Variants in CFAP47 observed in about 807,000 individuals in gnomAD.
CFAP47 encodes the protein cilia and flagella associated protein 47, also known as cilia- and flagella-associated protein 47.
A neutral mutation model predicts 148.1 loss-of-function variants in CFAP47; 29 were observed. The ratio of observed to expected loss-of-function variants is 0.20; its 90% confidence interval spans 0.15 to 0.27. The LOEUF is 0.27. CFAP47 is among the 10% of genes least tolerant of loss of function. The probability of loss-of-function intolerance (pLI) is 1.00; values close to 1 mark genes in which losing one functional copy is unlikely to be tolerated. For missense variants in CFAP47, 1,872 were observed against 1,697.5 expected (o/e 1.10, Z -1.81); for synonymous variants, 664 against 577.3 (o/e 1.15, Z -2.15).
chrX:36,343,890 G>A (rs1569322246), intron 57 of CFAP47, among the ~76,000 whole-genome samples: 1 of 109,774 alleles, frequency 9.1e-6, no homozygotes, highest in Non-Finnish European at 1.9e-5. Flanking sequence ...TTTTGTTCTT[G>A]CGATAGTTTA....
chrX:35,919,896 A>G lies in CFAP47; in HGVS notation c.97A>G (p.Ser33Gly). 8.3e-7 allele frequency: 1 copy of G among 1,211,074 alleles called. No homozygotes were observed. Among genetic ancestry groups the G allele is most frequent in the Non-Finnish European group, 1.1e-6 (1 of 895,248 alleles). ...RGSLVPRDMDSSGRDMQLRVI... is the reference protein window; with the variant it reads ...RGSLVPRDMDGSGRDMQLRVI... ...TTCCCTCGTCCCCCGGGATATGGATAGCTCGGGTAGAGACATGCAGCTGCG... is the reference window on the plus strand; with the variant it reads ...TTCCCTCGTCCCCCGGGATATGGATGGCTCGGGTAGAGACATGCAGCTGCG... Residue 33 changes from serine (S) to glycine (G), a missense_variant, in exon 1 of 64, where the codon AGC becomes GGC. Ser to Gly is a moderately conservative substitution (Grantham distance 56). Transcript: ENST00000378653.
intron 30 of CFAP47, among the ~76,000 whole-genome samples, chrX:36,087,418 A>G (rs1264801049): frequency 1.8e-5 from 2 of 112,025 alleles, no homozygotes; most frequent in Non-Finnish European, 3.8e-5. Flanking sequence ...TGGAGATGCA[A>G]TTTTGCATTT....
At chrX:36,192,414 G>A (rs1351919023) in intron 42 of CFAP47, among the ~76,000 whole-genome samples, 2 of 111,505 alleles carry the variant, frequency 1.8e-5, no homozygotes, top group African/African-American at 6.5e-5. Flanking sequence ...GCACACAGAC[G>A]TTGCAAAACA....
intron 29 of CFAP47, among the ~76,000 whole-genome samples, chrX:36,083,695 A>G (rs1045579514): frequency 9.0e-6 from 1 of 111,307 alleles, no homozygotes; most frequent in African/African-American, 3.2e-5. Flanking sequence ...GGTGATAGTG[A>G]TGGGTGAGAC....
intron 23 of CFAP47, among the ~76,000 whole-genome samples, chrX:36,033,725 G>T (rs932522811): frequency 9.0e-6 from 1 of 111,533 alleles, no homozygotes; most frequent in Non-Finnish European, 1.9e-5. Flanking sequence ...GCTTTAGAAA[G>T]AAATGAGGTA....
intron 14 of CFAP47, 131 bp downstream of exon 14, chrX:35,975,494 A>G (rs1351175093): frequency 3.2e-6 from 2 of 616,463 alleles, no homozygotes; most frequent in Non-Finnish European, 4.9e-6. Flanking sequence ...ATGTGCATCA[A>G]TTTTTAGATA....
chrX:36,239,031 T>A (rs1415093628), intron 48 of CFAP47, among the ~76,000 whole-genome samples: 1 of 112,461 alleles, frequency 8.9e-6, no homozygotes, highest in African/African-American at 3.2e-5. Context: ...AAAAGCTTTT[T>A]AATATACATT....
intron 4 of CFAP47, among the ~76,000 whole-genome samples, chrX:35,949,299 T>C (rs892390521): frequency 9.0e-6 from 1 of 110,878 alleles, no homozygotes; most frequent in Non-Finnish European, 1.9e-5. Context: ...TTAGGAGGGT[T>C]TTAGGATGAG....
chrX:35,940,471 A>G (rs180954929), intron 2 of CFAP47, among the ~76,000 whole-genome samples: 13 of 111,430 alleles, frequency 1.2e-4, no homozygotes, highest in Middle Eastern at 4.6e-3. Context: ...ACTTCCTCTG[A>G]TAGCTGACTA....
At chrX:36,045,974 T>C (rs1180889868) in intron 25 of CFAP47, among the ~76,000 whole-genome samples, 2 of 111,781 alleles carry the variant, frequency 1.8e-5, no homozygotes, top group African/African-American at 6.5e-5. Flanking sequence ...AAAGATAAGT[T>C]AATTAGCTAA....
In CFAP47 at chrX:35,951,885, T is replaced by C. The variant is rs1184468067; in HGVS notation, c.968T>C (p.Ile323Thr). The change falls in exon 6 of 64, where the codon ATC becomes ACC. Residue 323 changes from isoleucine (I) to threonine (T), a missense_variant. Coordinates refer to ENST00000378653, the MANE Select transcript of CFAP47 (RefSeq NM_001304548.2). ...AAAATAAAGAACATAGATACTACTA[T>C]CATTATCTCCTGTCTTCCTAATGAA... is the stretch of plus-strand genomic sequence containing the variant. Reference protein sequence around the residue: ...IRKIKNIDTTIIISCLPNEGT... With the variant: ...IRKIKNIDTTTIISCLPNEGT... 8.5e-7 allele frequency: 1 copy of C among 1,177,121 alleles called. No individual in the cohort carries two copies. Among genetic ancestry groups the C allele is most frequent in the East Asian group, 3.1e-5 (1 of 32,201 alleles).
intron 27 of CFAP47, among the ~76,000 whole-genome samples, chrX:36,071,159 G>A (rs953741978): frequency 1.8e-5 from 2 of 112,053 alleles, no homozygotes; most frequent in African/African-American, 6.5e-5. Flanking sequence ...TGCAGGCTAA[G>A]ATCCACTCTG....
chrX:36,239,333 A>T (rs1348907000), intron 48 of CFAP47, among the ~76,000 whole-genome samples: 1 of 112,450 alleles, frequency 8.9e-6, no homozygotes, highest in Non-Finnish European at 1.9e-5. Flanking sequence ...TAAGAAGTAT[A>T]TATTTAAGAA....
chrX:36,086,829 C>A (rs770811322), intron 30 of CFAP47, among the ~76,000 whole-genome samples: 2 of 110,542 alleles, frequency 1.8e-5, no homozygotes, highest in Non-Finnish European at 3.8e-5. Flanking sequence ...GTTAGAGGGA[C>A]GCCACTGGAG....
intron 22 of CFAP47, among the ~76,000 whole-genome samples, chrX:36,016,701 C>CT (rs1281064323): frequency 0.047 from 2,562 of 54,111 alleles, 49 homozygotes; most frequent in African/African-American, 0.056. Context: ...TTATGCCAGT[C>CT]TTTTTTTTTT....
chrX:35,964,321 G>A (rs1432745019), intron 8 of CFAP47, among the ~76,000 whole-genome samples: 2 of 111,283 alleles, frequency 1.8e-5, no homozygotes, highest in Admixed American at 1.9e-4. Flanking sequence ...CCAATGAGAA[G>A]TTAGCTGTTC....
intron 40 of CFAP47, among the ~76,000 whole-genome samples, chrX:36,188,250 A>G (rs782049566): frequency 8.9e-6 from 1 of 111,967 alleles, no homozygotes; most frequent in South Asian, 3.7e-4. Flanking sequence ...CCACTTTTGG[A>G]AAAAGTACCT....
At chrX:36,100,951 C>A (rs967428959) in intron 32 of CFAP47, among the ~76,000 whole-genome samples, 1 of 110,723 alleles carries the variant, frequency 9.0e-6, no homozygotes, top group African/African-American at 3.3e-5. Flanking sequence ...CTCATGTTGC[C>A]CCCTGGCAGT....
chrX:36,200,854 C>T (rs1406422193), intron 43 of CFAP47, among the ~76,000 whole-genome samples: 3 of 111,530 alleles, frequency 2.7e-5, no homozygotes, highest in African/African-American at 9.8e-5. Context: ...GCCCCCAGTT[C>T]TTGATTATTT....
Sources: gnomAD v4.1 joint callset for allele counts (sites outside exome capture counted in the v4.1 genomes callset) on GRCh38, gnomAD v4.1.1 for gene constraint, MANE v1.5 for transcripts, NCBI Gene and HGNC (gene_info 2026-07-23, HGNC 2026-07-21) for gene names.